WWOX: variants seen among roughly 807,000 people sequenced by gnomAD.
WWOX encodes WW domain-containing oxidoreductase.
A neutral mutation model predicts 46.2 loss-of-function variants in WWOX; 69 were observed. That is an observed-to-expected ratio of 1.49 (90% CI 1.23 to 1.82). WWOX has a LOEUF of 1.82. WWOX is among the 40% of genes most tolerant of loss of function. The probability of loss-of-function intolerance (pLI) is 0.00; values close to 1 mark genes in which losing one functional copy is unlikely to be tolerated. For synonymous variants in WWOX, 359 were observed against 202.6 expected, an observed-to-expected ratio of 1.77 and a Z score of -6.56; for missense variants, 919 against 542.6, an observed-to-expected ratio of 1.69 and a Z score of -6.89.
At chr16:78,624,677 C>G (rs1010047470) in intron 8 of WWOX, among the ~76,000 whole-genome samples, 1 of 152,184 alleles carries the variant, frequency 6.6e-6, no homozygotes, top group East Asian at 1.9e-4. Context: ...ACTTTTATTG[C>G]AGCAAGATTT....
At chr16:78,626,283 A>G (rs368440681) in intron 8 of WWOX, among the ~76,000 whole-genome samples, 13 of 152,072 alleles carry the variant, frequency 8.5e-5, no homozygotes, top group East Asian at 3.9e-4. Context: ...GGCATGCGCC[A>G]CCACGCTCAG....
chr16:78,386,747 C>G (rs987038430), intron 5 of WWOX, 113 bp from the exon 6 acceptor site: 2 of 921,268 alleles, frequency 2.2e-6, no homozygotes, highest in Admixed American at 3.9e-5. Context: ...CTCTGGGCGT[C>G]TTATATTAAA....
intron 8 of WWOX, among the ~76,000 whole-genome samples, chr16:78,744,518 G>C (rs984931834): frequency 7.3e-6 from 1 of 137,558 alleles, no homozygotes; most frequent in African/African-American, 2.8e-5. Flanking sequence ...TGCAACATCT[G>C]CCTCCTGGGT....
chr16:78,700,663 A>G (rs984363837), intron 8 of WWOX, among the ~76,000 whole-genome samples: 3 of 151,926 alleles, frequency 2.0e-5, no homozygotes, highest in African/African-American at 7.3e-5. Flanking sequence ...ATACTTCCAT[A>G]TCGTGTGTCT....
intron 8 of WWOX, among the ~76,000 whole-genome samples, chr16:79,160,694 T>C (rs745504127): frequency 6.6e-6 from 1 of 152,228 alleles, no homozygotes; most frequent in Non-Finnish European, 1.5e-5. Context: ...TCTTGGCAGA[T>C]ACTTAGCTGA....
At chr16:78,103,604 C>G (rs765065100) in intron 1 of WWOX, among the ~76,000 whole-genome samples, 29 of 152,138 alleles carry the variant, frequency 1.9e-4, no homozygotes, top group Non-Finnish European at 3.2e-4. Flanking sequence ...TGTGAGCATC[C>G]TGGCCCTTCT....
Position 78,728,055 on chromosome 16 carries a change from C to CTTCCTTTTTTTT in WWOX, c.1056+295305_1056+295306insCCTTTTTTTTTT, listed in dbSNP as rs1555524549. ...TTCCTCTTTCCTCTCTCCCTCCTTC[C>CTTCCTTTTTTTT]TTTTTTTTTTTTTTTTTTTTTTTTT... is the stretch of plus-strand genomic sequence containing the variant. On this transcript the variant is annotated intron_variant, in intron 8 of 8. Transcript: ENST00000566780. 1.4e-4 allele frequency among the ~76,000 whole-genome samples: 12 copies of CTTCCTTTTTTTT among 86,782 alleles called. 5 individuals are homozygous for CTTCCTTTTTTTT. The highest frequency in any genetic ancestry group is 2.7e-4 in the Admixed American group (2 of 7,542). The allele number at this position is 86,782 out of a possible 152,430, so 56.9% of individuals were successfully genotyped here.
At chr16:78,962,302 C>CT (rs746960241) in intron 8 of WWOX, among the ~76,000 whole-genome samples, 13 of 31,962 alleles carry the variant, frequency 4.1e-4, no homozygotes, top group African/African-American at 1.1e-3. Context: ...GCAAGGCATC[C>CT]TTTTTTTTTT....
Position 78,103,376 on chromosome 16 carries a change from G to T in WWOX, c.107+3491G>T, listed in dbSNP as rs1597197974. Among the ~76,000 whole-genome samples the T allele has an allele frequency of 4.6e-5, 7 of 151,440 alleles. No individual in the cohort carries two copies. The South Asian group carries it at 8.4e-4, about 18-fold the overall frequency. ...GCACTTGTCAACCCATCACCTAGTT[G>T]TTCAGCCCCCCGTGCATTAGCTATT... On this transcript the variant is annotated intron_variant, in intron 1 of 8. Transcript: ENST00000566780.
chr16:79,088,821 C>T (rs1164396690), intron 8 of WWOX, among the ~76,000 whole-genome samples: 2 of 152,194 alleles, frequency 1.3e-5, no homozygotes, highest in East Asian at 1.9e-4. Context: ...CACCCAACGG[C>T]AAAGTCCATA....
At chr16:79,082,676 C>T (rs1275586708) in intron 8 of WWOX, among the ~76,000 whole-genome samples, 1 of 152,214 alleles carries the variant, frequency 6.6e-6, no homozygotes, top group Non-Finnish European at 1.5e-5. Context: ...GCTCTTTTAG[C>T]TTCTGCCAGC....
chr16:78,668,355 C>T (rs2047381160), intron 8 of WWOX, among the ~76,000 whole-genome samples: 3 of 152,174 alleles, frequency 2.0e-5, no homozygotes, highest in Non-Finnish European at 4.4e-5. Context: ...CGACTTGACT[C>T]CTCTTGGGAA....
At chr16:78,660,455 G>T (rs182676949) in intron 8 of WWOX, among the ~76,000 whole-genome samples, 33 of 152,208 alleles carry the variant, frequency 2.2e-4, no homozygotes, top group African/African-American at 7.0e-4. Context: ...GTTGCCAGTG[G>T]GAGAGGAGCT....
chr16:78,748,109 C>CA (rs2049392606), intron 8 of WWOX, among the ~76,000 whole-genome samples: 1 of 152,084 alleles, frequency 6.6e-6, no homozygotes, highest in Non-Finnish European at 1.5e-5. Flanking sequence ...TCTCCCAGAC[C>CA]GGACCCTCCA....
At chr16:78,942,197 A>G (rs1368495862) in intron 8 of WWOX, among the ~76,000 whole-genome samples, 1 of 152,166 alleles carries the variant, frequency 6.6e-6, no homozygotes, top group East Asian at 1.9e-4. Context: ...TGTTCTTGAC[A>G]TAGTTAAAGA....
chr16:79,026,626 T>TTG (rs2047648136), intron 8 of WWOX, among the ~76,000 whole-genome samples: 1 of 144,314 alleles, frequency 6.9e-6, no homozygotes, highest in Admixed American at 6.9e-5. Context: ...TTTTTTTTTT[T>TTG]TTTTTTTTTG....
At chr16:78,767,571 C>T (rs113162731) in intron 8 of WWOX, among the ~76,000 whole-genome samples, 2 of 152,056 alleles carry the variant, frequency 1.3e-5, no homozygotes, top group Admixed American at 6.5e-5. Flanking sequence ...TTCGATTCTT[C>T]TGCATGTATA....
At chr16:79,169,035 C>G (rs982578097) in intron 8 of WWOX, among the ~76,000 whole-genome samples, 1 of 152,178 alleles carries the variant, frequency 6.6e-6, no homozygotes, top group African/African-American at 2.4e-5. Flanking sequence ...TATGGAGAAT[C>G]TATTAGATAC....
At chr16:78,551,609 A>C (rs2044173870) in intron 8 of WWOX, 1 of 152,214 alleles carries the variant, frequency 6.6e-6, no homozygotes, top group Non-Finnish European at 1.5e-5. Context: ...TGAATGGTGA[A>C]TACCCTCGGC....
Sources: gnomAD v4.1 joint callset for allele counts (sites outside exome capture counted in the v4.1 genomes callset) on GRCh38, gnomAD v4.1.1 for gene constraint, MANE v1.5 for transcripts, NCBI Gene and HGNC (gene_info 2026-07-23, HGNC 2026-07-21) for gene names.